The following DDX10 variants were observed in gnomAD, a reference collection of about 807,000 sequenced individuals.
The protein encoded by DDX10 is probable ATP-dependent RNA helicase DDX10.
A neutral mutation model predicts 104.3 loss-of-function variants in DDX10; 74 were observed. That is an observed-to-expected ratio of 0.71 (90% CI 0.59 to 0.86). The LOEUF (loss-of-function observed/expected upper bound fraction) is 0.86, where lower values mean the gene tolerates loss of function less well. DDX10 is among the 40% of genes least tolerant of loss of function. The probability of loss-of-function intolerance (pLI) is 0.00; values close to 1 mark genes in which losing one functional copy is unlikely to be tolerated. For missense variants in DDX10, 952 were observed against 1,040.0 expected (o/e 0.92, Z 1.16); for synonymous variants, 351 against 353.4 (o/e 0.99, Z 0.08).
rs1245604433 is a variant in DDX10, at chr11:108,673,657, A to G, written c.247+130A>G. The G allele has an allele frequency of 1.9e-5, 12 of 633,346 alleles. No homozygotes were observed. In the East Asian group the frequency reaches 3.1e-4, roughly 16 times the overall value. The allele number at this position is 633,346 out of a possible 1,614,324, so 39.2% of individuals were successfully genotyped here. A position where few individuals can be genotyped will look rare whatever the true frequency, so the allele number is the denominator to read the frequency against. On this transcript the variant is annotated intron_variant, in intron 2 of 17. Coordinates refer to ENST00000322536, the MANE Select transcript of DDX10 (RefSeq NM_004398.4). ...TTTTGATATCATGAAAACCAATGAA[A>G]ATAAGCAATATTCAAGTTTTAACAG...
intron 16 of DDX10, among the ~76,000 whole-genome samples, chr11:108,915,838 T>A (rs1350980236): frequency 6.6e-6 from 1 of 152,026 alleles, no homozygotes; most frequent in African/African-American, 2.4e-5. Flanking sequence ...GAGGCCAGAT[T>A]GTCTTTACAT....
At chr11:108,787,543 T>A (rs1861812526) in intron 13 of DDX10, among the ~76,000 whole-genome samples, 1 of 152,160 alleles carries the variant, frequency 6.6e-6, no homozygotes, top group Non-Finnish European at 1.5e-5. Context: ...TTTTAATTTT[T>A]AATTCTTTTT....
intron 13 of DDX10, among the ~76,000 whole-genome samples, chr11:108,731,300 C>G (rs1222677047): frequency 6.6e-6 from 1 of 152,162 alleles, no homozygotes; most frequent in East Asian, 1.9e-4. Flanking sequence ...ATCCACCTGC[C>G]TCAGCCTCTC....
intron 13 of DDX10, among the ~76,000 whole-genome samples, chr11:108,792,275 T>G (rs1037770088): frequency 6.6e-6 from 1 of 152,192 alleles, no homozygotes; most frequent in Non-Finnish European, 1.5e-5. Flanking sequence ...TTGATGGAAA[T>G]CCAGTTTATC....
At chr11:108,853,249 A>G (rs1565299036) in intron 16 of DDX10, among the ~76,000 whole-genome samples, 1 of 152,192 alleles carries the variant, frequency 6.6e-6, no homozygotes, top group Admixed American at 6.5e-5. Context: ...TGGCAGAACC[A>G]CCACTAGATC....
intron 10 of DDX10, 60 bp downstream of exon 10, chr11:108,706,897 T>A (rs923982744): frequency 1.4e-6 from 2 of 1,397,700 alleles, no homozygotes; most frequent in African/African-American, 1.4e-5. Flanking sequence ...ATTGTTTGCT[T>A]AATTATGTGC....
At chr11:108,795,270 C>T (rs1252823205) in intron 13 of DDX10, among the ~76,000 whole-genome samples, 1 of 145,218 alleles carries the variant, frequency 6.9e-6, no homozygotes, top group Non-Finnish European at 1.5e-5. Context: ...ATTGTCTGGG[C>T]CTGGAAATTT....
At chr11:108,787,375 TTA>T (rs1861808967) in intron 13 of DDX10, among the ~76,000 whole-genome samples, 1 of 152,090 alleles carries the variant, frequency 6.6e-6, no homozygotes, top group South Asian at 2.1e-4. Flanking sequence ...TTTTCTGAAT[TTA>T]TATGTCTTCC....
At chr11:108,911,966 A>G (rs541206542) in intron 16 of DDX10, among the ~76,000 whole-genome samples, 4 of 152,258 alleles carry the variant, frequency 2.6e-5, no homozygotes, top group Non-Finnish European at 2.9e-5. Context: ...CTTGGTTTCT[A>G]TATTTAAGAG....
chr11:108,760,313 A>G (rs2094349257), intron 13 of DDX10, among the ~76,000 whole-genome samples: 1 of 151,974 alleles, frequency 6.6e-6, no homozygotes, highest in Non-Finnish European at 1.5e-5. Context: ...GTTAGTGTGT[A>G]TATGAGGTAG....
rs183823441 is a variant in DDX10 at position 108,837,968 on chromosome 11, G to A, written c.1966-478G>A. ...TTGGATATTTTACTGTGTTCCTATG[G>A]TAAATTACTATAATTGGAAGAGGAA... On this transcript the variant is annotated intron_variant, in intron 13 of 17. Coordinates refer to ENST00000322536, the MANE Select transcript of DDX10 (RefSeq NM_004398.4). 2.0e-4 allele frequency among the ~76,000 whole-genome samples: 30 copies of A among 152,124 alleles called. No homozygotes were observed. The East Asian group carries it at 5.2e-3, about 27-fold the overall frequency.
intron 13 of DDX10, among the ~76,000 whole-genome samples, chr11:108,829,709 G>C (rs1862443185): frequency 6.6e-6 from 1 of 152,162 alleles, no homozygotes; most frequent in Non-Finnish European, 1.5e-5. Context: ...GAATCTTTAT[G>C]GTTTCAGATC....
chr11:108,742,994 C>T (rs1376744865), intron 13 of DDX10, among the ~76,000 whole-genome samples: 1 of 152,054 alleles, frequency 6.6e-6, no homozygotes, highest in Non-Finnish European at 1.5e-5. Flanking sequence ...GAAACTATTC[C>T]AAAAAATTGA....
At chr11:108,794,920 C>T (rs564152270) in intron 13 of DDX10, among the ~76,000 whole-genome samples, 16 of 151,894 alleles carry the variant, frequency 1.1e-4, no homozygotes, top group African/African-American at 3.4e-4. Flanking sequence ...CTCCGCCTCC[C>T]GGGTTCAAGT....
At chr11:108,714,473 G>A (rs2094288739) in intron 10 of DDX10, among the ~76,000 whole-genome samples, 1 of 150,794 alleles carries the variant, frequency 6.6e-6, no homozygotes, top group African/African-American at 2.4e-5. Flanking sequence ...TTGTTATGAT[G>A]GAGTGATGAC....
At position 108,719,790 on chromosome 11, in the gene DDX10, T is replaced by C. The variant is rs1291160272; in HGVS notation, c.1411-7T>C. On this transcript the variant is annotated splice_polypyrimidine_tract_variant and splice_region_variant and intron_variant, in intron 11 of 17. Transcript: ENST00000322536. ...TATATTGTACTTTTCAACCTCTTAA[T>C]TTACAGTGTTTCGTCTCCTATGTAC... 4 of 1,557,776 alleles carry C rather than the reference T, an allele frequency of 2.6e-6. No individual in the cohort carries two copies. In the African/African-American group the frequency reaches 5.4e-5, roughly 21 times the overall value.
At chr11:108,837,028 G>A (rs1862564945) in intron 13 of DDX10, among the ~76,000 whole-genome samples, 2 of 152,154 alleles carry the variant, frequency 1.3e-5, no homozygotes, top group Non-Finnish European at 1.5e-5. Context: ...CTGCAGTCGG[G>A]TATTTTGCAA....
chr11:108,716,730 T>C (rs577267806), intron 11 of DDX10, among the ~76,000 whole-genome samples: 12 of 152,200 alleles, frequency 7.9e-5, no homozygotes, highest in Non-Finnish European at 1.3e-4. Context: ...ATTACTTTTC[T>C]GGACTTAAAG....
In DDX10 at chr11:108,673,487, A is replaced by T; in HGVS notation, c.207A>T (p.Thr69=). The change falls in exon 2 of 18, where the codon ACA becomes ACT. Residue 69 remains threonine (T), a synonymous_variant. Coordinates refer to ENST00000322536, the MANE Select transcript of DDX10 (RefSeq NM_004398.4). ...NYEKINVNEI[T]RFSDFPLSKK... ...TCCAGATAAATGTAAATGAAATCAC[A>T]AGATTTTCAGATTTTCCCTTGTCCA... The T allele has an allele frequency of 3.1e-6, 5 of 1,598,554 alleles. No homozygotes were observed. The highest frequency in any genetic ancestry group is 3.4e-6 in the Non-Finnish European group (4 of 1,166,474).
Sources: gnomAD v4.1 joint callset for allele counts (sites outside exome capture counted in the v4.1 genomes callset) on GRCh38, gnomAD v4.1.1 for gene constraint, MANE v1.5 for transcripts, NCBI Gene and HGNC (gene_info 2026-07-23, HGNC 2026-07-21) for gene names.